The following CPQ variants were observed in gnomAD, a reference collection of about 807,000 sequenced individuals.
CPQ encodes carboxypeptidase Q, also known as Ser-Met dipeptidase.
In CPQ, 37 loss-of-function variants were observed where a neutral mutation model predicts 45.7. The observed-to-expected ratio is 0.81, with a 90% confidence interval of 0.62 to 1.07. CPQ has a LOEUF of 1.07. Ranked by LOEUF, CPQ falls within the 50% of genes least tolerant of loss-of-function variation. The pLI is 0.00. For missense variants in CPQ, 537 were observed against 572.9 expected, an observed-to-expected ratio of 0.94 and a Z score of 0.64; for synonymous variants, 186 against 205.8, an observed-to-expected ratio of 0.90 and a Z score of 0.82.
intron 6 of CPQ, among the ~76,000 whole-genome samples, chr8:97,045,475 G>A (rs532336720): frequency 3.0e-4 from 45 of 152,260 alleles, no homozygotes; most frequent in South Asian, 2.9e-3. Context: ...TTCAGCTCGC[G>A]CACGACGCAC....
chr8:97,032,493 T>C (rs2130474386), intron 6 of CPQ, among the ~76,000 whole-genome samples: 1 of 152,346 alleles, frequency 6.6e-6, no homozygotes, highest in East Asian at 1.9e-4. Flanking sequence ...GAGCAGCCAC[T>C]TCCCAACAAC....
intron 1 of CPQ, among the ~76,000 whole-genome samples, chr8:96,732,669 T>C (rs1809927403): frequency 6.6e-6 from 1 of 152,180 alleles, no homozygotes; most frequent in Non-Finnish European, 1.5e-5. Context: ...AGGATCTCTT[T>C]TAGCAATTTG....
intron 6 of CPQ, among the ~76,000 whole-genome samples, chr8:97,038,568 T>C (rs1362796062): frequency 6.6e-6 from 1 of 152,208 alleles, no homozygotes; most frequent in African/African-American, 2.4e-5. Context: ...TCTCATTACA[T>C]GTACTGGGGC....
intron 5 of CPQ, among the ~76,000 whole-genome samples, chr8:97,009,602 T>A (rs1809445413): frequency 6.6e-6 from 1 of 152,216 alleles, no homozygotes; most frequent in African/African-American, 2.4e-5. Flanking sequence ...TATATATCCT[T>A]TAAAAAGACA....
chr8:97,009,098 T>C (rs1809436434), intron 5 of CPQ, among the ~76,000 whole-genome samples: 1 of 152,240 alleles, frequency 6.6e-6, no homozygotes, highest in Non-Finnish European at 1.5e-5. Flanking sequence ...GCAAAGCCAC[T>C]TCTTTACATA....
At chr8:97,097,548 A>G (rs538010244) in intron 7 of CPQ, among the ~76,000 whole-genome samples, 1 of 152,308 alleles carries the variant, frequency 6.6e-6, no homozygotes, top group East Asian at 1.9e-4. Context: ...ACAGAATTCA[A>G]TGGCCTCTGT....
chr8:96,764,039 C>T (rs1406441365), intron 1 of CPQ, among the ~76,000 whole-genome samples: 1 of 152,068 alleles, frequency 6.6e-6, no homozygotes, highest in African/African-American at 2.4e-5. Flanking sequence ...AAAGCATATG[C>T]CCATATAAAG....
At chr8:97,029,374 A>T (rs1433509161) in intron 5 of CPQ, 29 bp from the exon 6 acceptor site, 11 of 1,548,538 alleles carry the variant, frequency 7.1e-6, no homozygotes, top group Non-Finnish European at 9.6e-6. Flanking sequence ...CAACTAAAGT[A>T]TCACTTTTTT....
intron 2 of CPQ, among the ~76,000 whole-genome samples, chr8:96,816,285 G>A (rs1285079639): frequency 2.0e-5 from 3 of 152,026 alleles, no homozygotes; most frequent in Admixed American, 6.6e-5. Context: ...CAGGAAACTC[G>A]TTTATTTGCT....
intron 2 of CPQ, among the ~76,000 whole-genome samples, chr8:96,820,986 G>A (rs1167667391): frequency 1.3e-5 from 2 of 151,894 alleles, no homozygotes; most frequent in Non-Finnish European, 2.9e-5. Flanking sequence ...TGTGTGTGGT[G>A]AGATGCTGTC....
chr8:96,930,320 T>C (rs1477802202), intron 4 of CPQ, among the ~76,000 whole-genome samples: 1 of 152,188 alleles, frequency 6.6e-6, no homozygotes, highest in Non-Finnish European at 1.5e-5. Context: ...TTCCAGGTGA[T>C]TTTTGGGAAA....
intron 4 of CPQ, among the ~76,000 whole-genome samples, chr8:96,928,439 TGAGA>T (rs1563531377): frequency 6.6e-6 from 1 of 151,216 alleles, no homozygotes; most frequent in Non-Finnish European, 1.5e-5. Context: ...GGGGACTGCA[TGAGA>T]GAGAGACAGA....
chr8:96,693,358 ACAAGAAGGTTATAGAACAC>A (rs1563470838), intron 1 of CPQ, among the ~76,000 whole-genome samples: 1 of 152,104 alleles, frequency 6.6e-6, no homozygotes, highest in Non-Finnish European at 1.5e-5. Context: ...ATATTCAAGT[ACAAGAAGGTTATAGAACAC>A]CAAGATTTAA....
intron 4 of CPQ, among the ~76,000 whole-genome samples, chr8:96,954,736 T>C (rs1423477954): frequency 6.6e-6 from 1 of 152,100 alleles, no homozygotes; most frequent in African/African-American, 2.4e-5. Context: ...CCTAATGCTA[T>C]CCCTCCCCAC....
intron 5 of CPQ, among the ~76,000 whole-genome samples, chr8:97,019,967 T>C (rs908669753): frequency 6.6e-6 from 1 of 152,162 alleles, no homozygotes; most frequent in Admixed American, 6.5e-5. Flanking sequence ...AGATAGACCA[T>C]ATGATAGGCC....
chr8:97,062,318 G>A (rs1810563867), intron 6 of CPQ, among the ~76,000 whole-genome samples: 1 of 152,096 alleles, frequency 6.6e-6, no homozygotes, highest in Admixed American at 6.6e-5. Context: ...ACATGACTTG[G>A]GGACAGAGGG....
intron 4 of CPQ, among the ~76,000 whole-genome samples, chr8:96,943,998 G>A (rs989536216): frequency 5.3e-5 from 8 of 152,100 alleles, no homozygotes; most frequent in Admixed American, 2.0e-4. Flanking sequence ...TATGTCTCTG[G>A]CATGGTCAAG....
chr8:97,045,336 C>A (rs369785735), intron 6 of CPQ, among the ~76,000 whole-genome samples: 11 of 152,290 alleles, frequency 7.2e-5, no homozygotes, highest in African/African-American at 2.4e-4. Context: ...TTAAGCCCGT[C>A]GGAAAAGCGC....
intron 2 of CPQ, among the ~76,000 whole-genome samples, chr8:96,786,215 C>T (rs1810766817): frequency 6.6e-6 from 1 of 152,130 alleles, no homozygotes; most frequent in Non-Finnish European, 1.5e-5. Flanking sequence ...AACCACTAAT[C>T]TGCTTTCTGT....
Sources: allele counts gnomAD v4.1 joint callset (sites outside exome capture counted in the v4.1 genomes callset), GRCh38; gene constraint gnomAD v4.1.1; transcripts MANE v1.5; gene names NCBI Gene and HGNC (gene_info 2026-07-23, HGNC 2026-07-21).